The following PDZD2 variants were observed in gnomAD, a reference collection of about 807,000 sequenced individuals.
PDZD2 encodes the protein PDZ domain containing 2.
A neutral mutation model predicts 220.7 loss-of-function variants in PDZD2; 90 were observed. The ratio of observed to expected loss-of-function variants is 0.41; its 90% confidence interval spans 0.34 to 0.49. The LOEUF (loss-of-function observed/expected upper bound fraction) is 0.49, where lower values mean the gene tolerates loss of function less well. Ranked by LOEUF, PDZD2 falls within the 20% of genes least tolerant of loss-of-function variation. The pLI is 0.28. For synonymous variants in PDZD2, 1,375 were observed against 1,450.5 expected (o/e 0.95, Z 1.18); for missense variants, 3,174 against 3,608.5 (o/e 0.88, Z 3.08).
chr5:31,689,263 GTA>G (rs1746999245), intron 1 of PDZD2, among the ~76,000 whole-genome samples: 1 of 107,882 alleles, frequency 9.3e-6, no homozygotes, highest in South Asian at 3.1e-4. Context: ...GTGTGTGTGT[GTA>G]TACATATATA....
rs973804875 is a variant in PDZD2, at chr5:31,646,524, T to C, written c.-361+7087T>C. On this transcript the variant is annotated intron_variant, in intron 1 of 24. Transcript: ENST00000438447. The surrounding 1 kb of genome is among the most constrained non-coding windows in gnomAD (Gnocchi z 4.7). Reference sequence around the variant, plus strand: ...TTAATAAAGCAAGATGTCAATAAACTCTACATTTTTGTGTGTTGGCCAATG... The same window carrying C: ...TTAATAAAGCAAGATGTCAATAAACCCTACATTTTTGTGTGTTGGCCAATG... 1.4e-4 allele frequency among the ~76,000 whole-genome samples: 22 copies of C among 152,204 alleles called. No individual in the cohort carries two copies. Among genetic ancestry groups the C allele is most frequent in the African/African-American group, 5.1e-4 (21 of 41,452 alleles).
intron 1 of PDZD2, among the ~76,000 whole-genome samples, chr5:31,653,723 T>C (rs199917914): frequency 2.6e-5 from 4 of 152,184 alleles, no homozygotes; most frequent in African/African-American, 9.7e-5. Flanking sequence ...AGATCTTTAT[T>C]TGACACCTAC....
intron 1 of PDZD2, among the ~76,000 whole-genome samples, chr5:31,745,661 A>G (rs969127238): frequency 2.9e-4 from 44 of 152,238 alleles, no homozygotes; most frequent in African/African-American, 1.0e-3. Flanking sequence ...CTGTTTTAGC[A>G]TCTTCCCCTC....
intron 1 of PDZD2, among the ~76,000 whole-genome samples, chr5:31,672,920 G>A (rs1484571842): frequency 2.0e-5 from 3 of 152,230 alleles, no homozygotes; most frequent in Non-Finnish European, 4.4e-5. Context: ...ACACTTTGTA[G>A]ACTTCTAGAA....
At chr5:31,714,689 G>C (rs1188718561) in intron 1 of PDZD2, among the ~76,000 whole-genome samples, 1 of 152,148 alleles carries the variant, frequency 6.6e-6, no homozygotes, top group African/African-American at 2.4e-5. Context: ...GAGTTCATCT[G>C]TTTGGGCATA....
intron 2 of PDZD2, among the ~76,000 whole-genome samples, chr5:31,888,228 T>G (rs768843490): frequency 6.6e-6 from 1 of 152,046 alleles, no homozygotes. Context: ...TCCCTCCCTC[T>G]GTCACCCAGG....
chr5:32,031,605 A>G (rs977118958), intron 6 of PDZD2, among the ~76,000 whole-genome samples: 3 of 152,138 alleles, frequency 2.0e-5, no homozygotes, highest in Admixed American at 6.5e-5. Flanking sequence ...GCCACTTTCC[A>G]TAGGTATGAA....
At chr5:31,820,972 T>C (rs943728689) in intron 2 of PDZD2, among the ~76,000 whole-genome samples, 4 of 152,112 alleles carry the variant, frequency 2.6e-5, no homozygotes, top group African/African-American at 9.7e-5. Context: ...TTCATGTCCT[T>C]TGTCCATTAT....
At chr5:31,948,918 G>A (rs1022023746) in intron 2 of PDZD2, among the ~76,000 whole-genome samples, 2 of 151,980 alleles carry the variant, frequency 1.3e-5, no homozygotes, top group African/African-American at 4.8e-5. Context: ...GGCCAACATG[G>A]TGAAACCCTA....
At chr5:31,825,622 G>A (rs1756161680) in intron 2 of PDZD2, among the ~76,000 whole-genome samples, 1 of 152,184 alleles carries the variant, frequency 6.6e-6, no homozygotes, top group Non-Finnish European at 1.5e-5. Context: ...AATGGTATTT[G>A]TAGTCTTTTT....
chr5:31,741,832 T>C (rs945967951), intron 1 of PDZD2: 1 of 152,182 alleles, frequency 6.6e-6, no homozygotes, highest in African/African-American at 2.4e-5. Context: ...AGAATCTGGT[T>C]CATTCCTTCA....
At chr5:31,756,305 G>A (rs1234570278) in intron 1 of PDZD2, among the ~76,000 whole-genome samples, 2 of 152,224 alleles carry the variant, frequency 1.3e-5, no homozygotes, top group Non-Finnish European at 2.9e-5. Context: ...TGTGCACTCA[G>A]AGAAAGATCC....
At chr5:32,016,272 T>C (rs778227856) in intron 6 of PDZD2, among the ~76,000 whole-genome samples, 1 of 152,222 alleles carries the variant, frequency 6.6e-6, no homozygotes. Flanking sequence ...CCGCTCTAAA[T>C]GTTTCCAAAT....
chr5:31,982,369 G>A (rs375237792), intron 2 of PDZD2, among the ~76,000 whole-genome samples: 6 of 152,312 alleles, frequency 3.9e-5, no homozygotes, highest in East Asian at 3.9e-4. Context: ...ATGCAGTGGC[G>A]TGATCTCGGT....
chr5:32,110,039 G>GAT lies in PDZD2; in HGVS notation c.*1906_*1907dup, dbSNP rs1745223703. ...GTCAGTGCAAGGTGCATGCTTGATT[G>GAT]ATAGATATTGATTGATTGTTTTTCA... On this transcript the variant is annotated 3_prime_UTR_variant, in exon 25 of 25. Coordinates refer to ENST00000438447, the MANE Select transcript of PDZD2 (RefSeq NM_178140.4). 1.4e-5 allele frequency: 1 copy of GAT among 71,458 alleles called. No homozygotes were observed. The highest frequency in any genetic ancestry group is 2.8e-5 in the Non-Finnish European group (1 of 35,808). The allele number at this position is 71,458 out of a possible 1,614,324, so 4.4% of individuals were successfully genotyped here. A position where few individuals can be genotyped will look rare whatever the true frequency, so the allele number is the denominator to read the frequency against.
rs548807258 is a variant in PDZD2 at position 31,916,997 on chromosome 5, G to C, written c.477-66158G>C. ...GGAACTTAGGCTGGCATGAGTGGAA[G>C]GAGGTTGATGAGGGACAGGCACTAC... On this transcript the variant is annotated intron_variant, in intron 2 of 24. Coordinates refer to ENST00000438447, the MANE Select transcript of PDZD2 (RefSeq NM_178140.4). Among the ~76,000 whole-genome samples, 5 of 152,312 alleles carry C rather than the reference G, an allele frequency of 3.3e-5. No homozygotes were observed. The South Asian group carries it at 1.0e-3, about 32-fold the overall frequency.
chr5:31,936,584 AAAAG>A (rs959789261), intron 2 of PDZD2, among the ~76,000 whole-genome samples: 56 of 152,166 alleles, frequency 3.7e-4, no homozygotes, highest in Non-Finnish European at 5.9e-5. Flanking sequence ...AAAAAAGAAA[AAAAG>A]CATGCAGCAT....
At chr5:31,759,467 G>T (rs550659663) in intron 1 of PDZD2, among the ~76,000 whole-genome samples, 143 of 152,216 alleles carry the variant, frequency 9.4e-4, no homozygotes, top group African/African-American at 3.3e-3. Context: ...TCCAAAAGTG[G>T]GAGGTGGGAA....
At chr5:31,827,779 T>G (rs1388712628) in intron 2 of PDZD2, among the ~76,000 whole-genome samples, 1 of 152,112 alleles carries the variant, frequency 6.6e-6, no homozygotes, top group Non-Finnish European at 1.5e-5. Flanking sequence ...TCCTTTAAAA[T>G]GTACAATTGA....
Sources: allele counts gnomAD v4.1 joint callset (sites outside exome capture counted in the v4.1 genomes callset), GRCh38; gene constraint gnomAD v4.1.1; non-coding constraint Gnocchi (gnomAD v3.1); transcripts MANE v1.5; gene names NCBI Gene and HGNC (gene_info 2026-07-23, HGNC 2026-07-21).